Variants in PLEKHM3 observed in about 807,000 individuals in gnomAD.
PLEKHM3 encodes the protein pleckstrin homology domain-containing family M member 3.
In PLEKHM3, 45 loss-of-function variants were observed where a neutral mutation model predicts 81.8. The observed-to-expected ratio is 0.55, with a 90% confidence interval of 0.43 to 0.71. The LOEUF (loss-of-function observed/expected upper bound fraction) is 0.71, where lower values mean the gene tolerates loss of function less well. Ranked by LOEUF, PLEKHM3 falls within the 30% of genes least tolerant of loss-of-function variation. PLEKHM3 has a pLI of 0.00. For synonymous variants in PLEKHM3, 352 were observed against 356.4 expected (o/e 0.99, Z 0.14); for missense variants, 788 against 924.3 (o/e 0.85, Z 1.91).
At chr2:207,907,702 T>C (rs1186713706) in intron 6 of PLEKHM3, among the ~76,000 whole-genome samples, 1 of 152,160 alleles carries the variant, frequency 6.6e-6, no homozygotes, top group Non-Finnish European at 1.5e-5. Flanking sequence ...TCACACACCA[T>C]AAAATTTACT....
At chr2:208,008,501 C>CAAAAAAAAAAAAAAAAAAAAAAAAA (rs59305459) in intron 1 of PLEKHM3, among the ~76,000 whole-genome samples, 6 of 83,740 alleles carry the variant, frequency 7.2e-5, no homozygotes, top group African/African-American at 3.3e-4. Flanking sequence ...CTAACCTTGC[C>CAAAAAAAAAAAAAAAAAAAAAAAAA]AAAAAAAAAA....
chr2:207,910,623 G>C (rs1313706059), intron 5 of PLEKHM3, among the ~76,000 whole-genome samples: 1 of 152,122 alleles, frequency 6.6e-6, no homozygotes, highest in Non-Finnish European at 1.5e-5. Flanking sequence ...GTAGGGAAAG[G>C]AGGGAGGTAG....
intron 2 of PLEKHM3, among the ~76,000 whole-genome samples, chr2:207,981,398 C>T (rs1691518393): frequency 6.6e-6 from 1 of 152,158 alleles, no homozygotes; most frequent in Non-Finnish European, 1.5e-5. Flanking sequence ...GGCTGGAGTA[C>T]AGTGGCACAA....
chr2:207,979,376 A>T (rs1691442017), intron 2 of PLEKHM3, among the ~76,000 whole-genome samples: 1 of 152,114 alleles, frequency 6.6e-6, no homozygotes, highest in Admixed American at 6.5e-5. Context: ...TCTACTAAAA[A>T]TACAAAAATT....
intron 6 of PLEKHM3, 98 bp from the exon 7 acceptor site, chr2:207,861,360 G>A (rs1277064945): frequency 2.4e-6 from 3 of 1,259,782 alleles, no homozygotes; most frequent in South Asian, 1.6e-5. Flanking sequence ...TACACAACAG[G>A]AAAACCTCTA....
chr2:207,998,532 TAAA>T (rs1265099428), intron 2 of PLEKHM3, among the ~76,000 whole-genome samples: 3 of 152,046 alleles, frequency 2.0e-5, no homozygotes, highest in Admixed American at 6.6e-5. Flanking sequence ...TAAAAATAAA[TAAA>T]TAAATGGTGG....
At chr2:207,906,464 TG>T (rs1171232408) in intron 6 of PLEKHM3, among the ~76,000 whole-genome samples, 3 of 152,186 alleles carry the variant, frequency 2.0e-5, no homozygotes, top group Admixed American at 6.5e-5. Context: ...TCCAACTAAA[TG>T]CTCTAACATC....
chr2:207,942,546 A>C (rs1689977334), intron 4 of PLEKHM3, among the ~76,000 whole-genome samples: 1 of 140,998 alleles, frequency 7.1e-6, no homozygotes, highest in African/African-American at 3.2e-5. Flanking sequence ...AATGCAGCAA[A>C]TTCTGTCAAA....
chr2:208,002,059 T>C (rs1353554986), intron 1 of PLEKHM3, 102 bp from the exon 2 acceptor site: 6 of 177,072 alleles, frequency 3.4e-5, no homozygotes, highest in South Asian at 2.7e-4. Context: ...CGTTCTATGG[T>C]ACTCAAGCAC....
chr2:207,923,880 C>CATATATATATATAT (rs1226187210), intron 5 of PLEKHM3, among the ~76,000 whole-genome samples: 1 of 56,770 alleles, frequency 1.8e-5, no homozygotes. Flanking sequence ...CACACACACA[C>CATATATATATATAT]ATATATATAT....
At chr2:207,833,330 T>C (rs2092299213) in intron 7 of PLEKHM3, among the ~76,000 whole-genome samples, 1 of 152,206 alleles carries the variant, frequency 6.6e-6, no homozygotes, top group African/African-American at 2.4e-5. Context: ...AAATGAAAGC[T>C]GGTGTCTTCA....
intron 4 of PLEKHM3, among the ~76,000 whole-genome samples, chr2:207,944,989 T>C (rs1206610067): frequency 1.3e-5 from 2 of 152,090 alleles, no homozygotes; most frequent in Non-Finnish European, 2.9e-5. Context: ...TGTCTATTCT[T>C]GTTTCTTGTT....
Position 208,001,513 on chromosome 2 carries a change from G to A in PLEKHM3, c.127C>T (p.Pro43Ser). 6.2e-7 allele frequency: 1 copy of A among 1,614,078 alleles called. No homozygotes were observed. Among genetic ancestry groups the A allele is most frequent in the African/African-American group, 1.3e-5 (1 of 75,022 alleles). ...AGTACCTCATGCCCCACCAGTTCAGGGACTTCCTGGATCCCATAAACCTCT... is the reference window on the plus strand; with the variant it reads ...AGTACCTCATGCCCCACCAGTTCAGAGACTTCCTGGATCCCATAAACCTCT... ...QAEVYGIQEV[P>S]ELVGHEVLSN... Residue 43 changes from proline (P) to serine (S), a missense_variant, in exon 2 of 8, where the codon CCT becomes TCT. By Grantham distance (74) the Pro-to-Ser change is moderately conservative. Transcript: ENST00000427836.
At chr2:207,860,151 CTG>C (rs55739776) in intron 7 of PLEKHM3, among the ~76,000 whole-genome samples, 4,489 of 110,596 alleles carry the variant, frequency 0.041, 75 homozygotes, top group Middle Eastern at 0.057. Flanking sequence ...AACTCTGCCT[CTG>C]TGTGTGTGTG....
chr2:207,973,793 A>G (rs190403508), intron 3 of PLEKHM3, among the ~76,000 whole-genome samples: 1 of 152,170 alleles, frequency 6.6e-6, no homozygotes, highest in Non-Finnish European at 1.5e-5. Context: ...GGTATGAAAA[A>G]CAACCTGGTA....
chr2:207,921,537 G>A (rs542398637), intron 5 of PLEKHM3, among the ~76,000 whole-genome samples: 4 of 152,070 alleles, frequency 2.6e-5, no homozygotes, highest in Non-Finnish European at 5.9e-5. Flanking sequence ...CACTTTTCTA[G>A]CTATCTGAAA....
At chr2:208,019,102 C>T (rs1034432694) in intron 1 of PLEKHM3, among the ~76,000 whole-genome samples, 1 of 151,688 alleles carries the variant, frequency 6.6e-6, no homozygotes, top group Non-Finnish European at 1.5e-5. Flanking sequence ...GGGTTCAAGA[C>T]CATCCTGAGC....
rs2092250923 is a variant in PLEKHM3, at chr2:207,826,258, C to T, written c.*2061G>A. On this transcript the variant is annotated 3_prime_UTR_variant, in exon 8 of 8. Transcript: ENST00000427836. ...TTCTCTTGTGAAAGATCATGTTCTG[C>T]TATCTTCTCTGAGGCTGGAAAATAT... 1 of 152,186 alleles carries T rather than the reference C, an allele frequency of 6.6e-6. No homozygotes were observed. The highest frequency in any genetic ancestry group is 1.5e-5 in the Non-Finnish European group (1 of 68,032). The allele number at this position is 152,186 out of a possible 1,614,324, so 9.4% of individuals were successfully genotyped here.
intron 6 of PLEKHM3, among the ~76,000 whole-genome samples, chr2:207,895,479 T>C (rs558800565): frequency 1.6e-4 from 25 of 152,352 alleles, no homozygotes; most frequent in African/African-American, 5.3e-4. Flanking sequence ...CTCTGTGCCC[T>C]TGACCTGTGC....
Sources: gnomAD v4.1 joint callset for allele counts (sites outside exome capture counted in the v4.1 genomes callset) on GRCh38, gnomAD v4.1.1 for gene constraint, MANE v1.5 for transcripts, NCBI Gene and HGNC (gene_info 2026-07-23, HGNC 2026-07-21) for gene names.